Variants in OPCML observed in about 807,000 individuals in gnomAD.
OPCML encodes opioid binding protein/cell adhesion molecule like.
A neutral mutation model predicts 37.8 loss-of-function variants in OPCML; 13 were observed. The observed-to-expected ratio is 0.34, with a 90% confidence interval of 0.22 to 0.55. OPCML has a LOEUF of 0.55. Among genes scored for constraint, OPCML ranks in the 20% least tolerant of loss-of-function variants. OPCML has a pLI of 0.91. For missense variants in OPCML, 341 were observed against 435.6 expected, an observed-to-expected ratio of 0.78 and a Z score of 1.93; for synonymous variants, 176 against 168.8, an observed-to-expected ratio of 1.04 and a Z score of -0.33.
At chr11:133,521,842 A>G (rs776627780) in intron 1 of OPCML, among the ~76,000 whole-genome samples, 7 of 152,224 alleles carry the variant, frequency 4.6e-5, no homozygotes, top group Admixed American at 2.6e-4. Context: ...TTATTCGGAG[A>G]AGCCAAAGGC....
At chr11:133,262,812 G>A (rs1011313560) in intron 1 of OPCML, among the ~76,000 whole-genome samples, 4 of 151,890 alleles carry the variant, frequency 2.6e-5, no homozygotes, top group Non-Finnish European at 4.4e-5. Flanking sequence ...CAGGAAGAGC[G>A]TGCAGGCTTG....
intron 1 of OPCML, among the ~76,000 whole-genome samples, chr11:132,972,742 A>C (rs982912579): frequency 6.6e-6 from 1 of 152,226 alleles, no homozygotes; most frequent in African/African-American, 2.4e-5. Context: ...GCTGCTGAAC[A>C]AAAACAGAAC....
chr11:133,006,563 G>C, intron 1 of OPCML: 1 of 985,408 alleles, frequency 1.0e-6, no homozygotes, highest in South Asian at 4.7e-5. Flanking sequence ...CACAAATTTT[G>C]CTATAGGGTG....
At chr11:133,064,878 C>T (rs552798066) in intron 1 of OPCML, 37 of 152,316 alleles carry the variant, frequency 2.4e-4, no homozygotes, top group African/African-American at 8.2e-4. Flanking sequence ...TGACACGGAG[C>T]TTACGTTGCG....
intron 1 of OPCML, among the ~76,000 whole-genome samples, chr11:133,338,962 T>G (rs1943802624): frequency 6.6e-6 from 1 of 152,222 alleles, no homozygotes. Context: ...CTGTTCCTGT[T>G]GTCCCTGCCC....
intron 1 of OPCML, among the ~76,000 whole-genome samples, chr11:133,111,570 C>G (rs956651126): frequency 5.3e-5 from 8 of 152,192 alleles, no homozygotes; most frequent in African/African-American, 1.7e-4. Context: ...ATATTTAACA[C>G]CCAAGAGGGA....
intron 1 of OPCML, among the ~76,000 whole-genome samples, chr11:133,222,836 C>T (rs572819150): frequency 6.6e-6 from 1 of 152,190 alleles, no homozygotes; most frequent in South Asian, 2.1e-4. Flanking sequence ...GGACTAAGAG[C>T]CCTGTCATTA....
At chr11:132,933,247 T>C (rs563363090) in intron 2 of OPCML, among the ~76,000 whole-genome samples, 12 of 152,288 alleles carry the variant, frequency 7.9e-5, no homozygotes, top group South Asian at 2.1e-4. Context: ...ATGACTCACA[T>C]TGGCTTTTCC....
At chr11:132,529,503 C>A (rs919439198) in intron 3 of OPCML, among the ~76,000 whole-genome samples, 1 of 152,120 alleles carries the variant, frequency 6.6e-6, no homozygotes, top group Non-Finnish European at 1.5e-5. Context: ...CTTCCAAGAG[C>A]TCCTGTTTAT....
intron 2 of OPCML, among the ~76,000 whole-genome samples, chr11:132,701,427 C>T (rs1277117245): frequency 6.6e-6 from 1 of 152,160 alleles, no homozygotes; most frequent in Non-Finnish European, 1.5e-5. Flanking sequence ...CAGGCTTTTA[C>T]TTAAAGTCTA....
chr11:132,942,306 T>C (rs1294212510), intron 2 of OPCML, among the ~76,000 whole-genome samples: 1 of 152,136 alleles, frequency 6.6e-6, no homozygotes, highest in Non-Finnish European at 1.5e-5. Flanking sequence ...CACACAGAAG[T>C]GATGTTGTTG....
At chr11:133,399,239 C>G (rs760767477) in intron 1 of OPCML, among the ~76,000 whole-genome samples, 4 of 152,134 alleles carry the variant, frequency 2.6e-5, no homozygotes, top group Non-Finnish European at 2.9e-5. Context: ...TTGGCAGGGA[C>G]TAGCTCAGGC....
chr11:132,711,955 C>T (rs1217984474), intron 2 of OPCML, among the ~76,000 whole-genome samples: 2 of 152,154 alleles, frequency 1.3e-5, no homozygotes, highest in Non-Finnish European at 2.9e-5. Context: ...CAACAGTTTG[C>T]CTCATTTTCA....
At chr11:132,530,934 T>C (rs1158116843) in intron 3 of OPCML, among the ~76,000 whole-genome samples, 1 of 152,062 alleles carries the variant, frequency 6.6e-6, no homozygotes, top group Non-Finnish European at 1.5e-5. Flanking sequence ...CCCAACATCC[T>C]CTCTCCTCTG....
intron 2 of OPCML, among the ~76,000 whole-genome samples, chr11:132,674,699 T>A (rs1361932219): frequency 6.6e-6 from 1 of 152,194 alleles, no homozygotes; most frequent in Non-Finnish European, 1.5e-5. Context: ...TTTCACATTA[T>A]ATAAGTGATT....
chr11:132,507,156 G>A (rs1294958472), intron 4 of OPCML, among the ~76,000 whole-genome samples: 47 of 149,694 alleles, frequency 3.1e-4, no homozygotes, highest in Admixed American at 3.1e-3. Context: ...TCATATTAAA[G>A]CTCTAATTAC....
At chr11:133,171,239 G>C (rs1034592029) in intron 1 of OPCML, among the ~76,000 whole-genome samples, 1 of 152,184 alleles carries the variant, frequency 6.6e-6, no homozygotes, top group African/African-American at 2.4e-5. Context: ...TTTCCAGTTT[G>C]CTTTGTGGGG....
intron 1 of OPCML, among the ~76,000 whole-genome samples, chr11:133,362,950 AC>A (rs1944456372): frequency 1.3e-5 from 2 of 152,200 alleles, no homozygotes; most frequent in Non-Finnish European, 2.9e-5. Context: ...ATGCAGAGAA[AC>A]CAGCGTGCTC....
intron 3 of OPCML, among the ~76,000 whole-genome samples, chr11:132,597,539 T>C (rs1591603081): frequency 6.6e-6 from 1 of 152,314 alleles, no homozygotes; most frequent in East Asian, 1.9e-4. Flanking sequence ...CACATTTCAG[T>C]CAGGACTTCG....
Sources: gnomAD v4.1 joint callset for allele counts (sites outside exome capture counted in the v4.1 genomes callset) on GRCh38, gnomAD v4.1.1 for gene constraint, MANE v1.5 for transcripts, NCBI Gene and HGNC (gene_info 2026-07-23, HGNC 2026-07-21) for gene names.